The following NRXN1 variants were observed in gnomAD, a reference collection of about 807,000 sequenced individuals.
NRXN1 encodes neurexin 1, also known as neurexin-1.
In NRXN1, 39 loss-of-function variants were observed where a neutral mutation model predicts 150.9. The ratio of observed to expected loss-of-function variants is 0.26; its 90% CI spans 0.20 to 0.34. NRXN1 has a LOEUF of 0.34. Among genes scored for constraint, NRXN1 ranks in the 10% least tolerant of loss-of-function variants. The probability of loss-of-function intolerance (pLI) is 1.00; values close to 1 mark genes in which losing one functional copy is unlikely to be tolerated. For synonymous variants in NRXN1, 924 were observed against 757.0 expected (o/e 1.22, Z -3.62); for missense variants, 1,815 against 1,949.9 (o/e 0.93, Z 1.30).
chr2:50,866,269 T>C (rs371218223), intron 5 of NRXN1, among the ~76,000 whole-genome samples: 2 of 151,940 alleles, frequency 1.3e-5, no homozygotes, highest in Non-Finnish European at 2.9e-5. Context: ...TATTAGAGTT[T>C]CAGTTAATGT....
chr2:50,524,810 G>A (rs909722754), intron 12 of NRXN1, among the ~76,000 whole-genome samples: 6 of 151,586 alleles, frequency 4.0e-5, no homozygotes, highest in African/African-American at 1.5e-4. Flanking sequence ...GAAGAAGAGA[G>A]AAAGAAAAAA....
At chr2:49,991,889 T>G (rs544470871) in intron 21 of NRXN1, among the ~76,000 whole-genome samples, 25 of 152,280 alleles carry the variant, frequency 1.6e-4, no homozygotes, top group African/African-American at 6.0e-4. Flanking sequence ...AATGAAGGAA[T>G]AGGCAAATAG....
intron 5 of NRXN1, among the ~76,000 whole-genome samples, chr2:50,797,701 T>C (rs1470805610): frequency 6.6e-6 from 1 of 152,170 alleles, no homozygotes; most frequent in Non-Finnish European, 1.5e-5. Context: ...GACCGAATGA[T>C]GTAATTTATG....
intron 19 of NRXN1, among the ~76,000 whole-genome samples, chr2:50,071,659 T>G (rs1173841860): frequency 6.6e-6 from 1 of 152,244 alleles, no homozygotes; most frequent in Non-Finnish European, 1.5e-5. Context: ...TTCTCTCATT[T>G]AAGCTACCAC....
At chr2:50,315,564 C>A (rs554243516) in intron 17 of NRXN1, among the ~76,000 whole-genome samples, 1 of 152,214 alleles carries the variant, frequency 6.6e-6, no homozygotes, top group African/African-American at 2.4e-5. Context: ...CCAGCCCACA[C>A]GGTGATCCAA....
intron 2 of NRXN1, among the ~76,000 whole-genome samples, chr2:50,954,098 A>G (rs919409752): frequency 1.3e-5 from 2 of 152,216 alleles, no homozygotes; most frequent in African/African-American, 2.4e-5. Context: ...TATACATTTT[A>G]ATGAAGTTAA....
At chr2:50,174,220 T>C (rs2060211983) in intron 18 of NRXN1, among the ~76,000 whole-genome samples, 2 of 152,188 alleles carry the variant, frequency 1.3e-5, no homozygotes, top group South Asian at 4.1e-4. Flanking sequence ...CAAAATAGTG[T>C]AGTGATTAGG....
intron 21 of NRXN1, among the ~76,000 whole-genome samples, chr2:50,042,566 G>A (rs571608403): frequency 9.9e-5 from 15 of 152,236 alleles, no homozygotes; most frequent in African/African-American, 3.6e-4. Context: ...ACTAATACAA[G>A]GACTGAGCAA....
chr2:50,247,572 T>C (rs1298411862), intron 17 of NRXN1, among the ~76,000 whole-genome samples: 1 of 152,126 alleles, frequency 6.6e-6, no homozygotes, highest in Admixed American at 6.6e-5. Flanking sequence ...CAAAAATGCA[T>C]AGTCTCAATC....
intron 5 of NRXN1, among the ~76,000 whole-genome samples, chr2:50,747,372 G>C (rs1700139414): frequency 6.6e-6 from 1 of 152,082 alleles, no homozygotes; most frequent in African/African-American, 2.4e-5. Flanking sequence ...TGTGGAATGA[G>C]GTTTCCTAAT....
At chr2:50,655,196 A>G (rs977616051) in intron 5 of NRXN1, among the ~76,000 whole-genome samples, 2 of 151,994 alleles carry the variant, frequency 1.3e-5, no homozygotes, top group Admixed American at 1.3e-4. Context: ...ATGGAAAAAA[A>G]AAAGATACAG....
At chr2:50,312,921 C>G (rs1471397817) in intron 17 of NRXN1, among the ~76,000 whole-genome samples, 1 of 152,040 alleles carries the variant, frequency 6.6e-6, no homozygotes, top group East Asian at 1.9e-4. Flanking sequence ...CCACAGAATT[C>G]TGATGGAGTT....
chr2:50,359,905 T>G (rs2079070494), intron 17 of NRXN1, among the ~76,000 whole-genome samples: 1 of 152,106 alleles, frequency 6.6e-6, no homozygotes, highest in Admixed American at 6.5e-5. Context: ...TAACAGCAGC[T>G]CTCTCTGCAG....
chr2:50,895,255 T>C (rs1405202087), intron 5 of NRXN1, among the ~76,000 whole-genome samples: 1 of 152,144 alleles, frequency 6.6e-6, no homozygotes, highest in Non-Finnish European at 1.5e-5. Flanking sequence ...TTTATGAGTG[T>C]TAAGTAAGGA....
At position 50,373,294 on chromosome 2, in the gene NRXN1, T is replaced by TTATTATTATTATTATTA. The variant is rs1553512407; in HGVS notation, c.3364+92147_3364+92148insTAATAATAATAATAATA. ...ATATCAGATTTATTTTATTTTATTT[T>TTATTATTATTATTATTA]TTATTATTATTATTATTATTATTAT... On this transcript the variant is annotated intron_variant, in intron 17 of 22. Coordinates refer to ENST00000401669, the MANE Select transcript of NRXN1 (RefSeq NM_001330078.2). 7.7e-3 allele frequency among the ~76,000 whole-genome samples: 1,085 copies of TTATTATTATTATTATTA among 140,384 alleles called. 13 individuals are homozygous for TTATTATTATTATTATTA. The highest frequency in any genetic ancestry group is 0.015 in the East Asian group (71 of 4,744). The allele number at this position is 140,384 out of a possible 152,430, so 92.1% of individuals were successfully genotyped here. A position where few individuals can be genotyped will look rare whatever the true frequency, so the allele number is the denominator to read the frequency against.
chr2:50,927,167 G>C (rs1286414640), intron 2 of NRXN1, among the ~76,000 whole-genome samples: 5 of 151,956 alleles, frequency 3.3e-5, no homozygotes, highest in Non-Finnish European at 5.9e-5. Context: ...TGCAAGTATA[G>C]AAACTTGAAA....
intron 14 of NRXN1, among the ~76,000 whole-genome samples, chr2:50,496,722 G>A (rs1054825143): frequency 9.9e-5 from 15 of 152,156 alleles, no homozygotes; most frequent in African/African-American, 3.4e-4. Flanking sequence ...ATGTGCATAC[G>A]GGTGGCAGAA....
intron 2 of NRXN1, among the ~76,000 whole-genome samples, chr2:50,975,855 C>T (rs1399719895): frequency 1.3e-5 from 2 of 151,908 alleles, no homozygotes; most frequent in East Asian, 1.9e-4. Context: ...CAAGAGCAGT[C>T]GAGGGAGATA....
intron 18 of NRXN1, among the ~76,000 whole-genome samples, chr2:50,150,338 T>C (rs1043508085): frequency 6.6e-6 from 1 of 151,830 alleles, no homozygotes; most frequent in Admixed American, 6.6e-5. Flanking sequence ...CTAACACTTA[T>C]AAAGACAGCA....
Sources: gnomAD v4.1 joint callset for allele counts (sites outside exome capture counted in the v4.1 genomes callset) on GRCh38, gnomAD v4.1.1 for gene constraint, MANE v1.5 for transcripts, NCBI Gene and HGNC (gene_info 2026-07-23, HGNC 2026-07-21) for gene names.